The following STARD8 variants were observed in gnomAD, a reference collection of about 807,000 sequenced individuals.
STARD8 encodes StAR related lipid transfer domain containing 8.
Under a neutral mutation model 69.4 loss-of-function variants are expected in STARD8, and 25 were observed. That is an observed-to-expected ratio of 0.36 (90% CI 0.26 to 0.50). STARD8 has a LOEUF of 0.50. Ranked by LOEUF, STARD8 falls within the 20% of genes least tolerant of loss-of-function variation. The pLI, the probability that STARD8 is intolerant of heterozygous loss-of-function variation, is 0.96. For missense variants in STARD8, 921 were observed against 932.5 expected (o/e 0.99, Z 0.16); for synonymous variants, 389 against 374.6 (o/e 1.04, Z -0.45).
At position 68,717,534 on chromosome X, in the gene STARD8, G is replaced by A. The variant is rs370018776; in HGVS notation, c.620G>A (p.Arg207His). The change falls in exon 6 of 15, where the codon CGT (arginine) becomes CAT (histidine). Residue 207 changes from arginine to histidine, a missense_variant. By Grantham distance (29) the Arg-to-His change is conservative (BLOSUM62 0). Transcript: ENST00000374599. Reference sequence around the variant, plus strand: ...AAAGCCAAGAAGCGCCATCGTAACCGTAGCTTCCTCAAGCACCTTGAATCT... The same window carrying A: ...AAAGCCAAGAAGCGCCATCGTAACCATAGCTTCCTCAAGCACCTTGAATCT... ...QDKAKKRHRN[R>H]SFLKHLESLR... 7.4e-6 allele frequency: 9 copies of A among 1,211,133 alleles called. No homozygotes were observed. The highest frequency in any genetic ancestry group is 5.9e-5 in the East Asian group (2 of 33,811).
At chrX:68,714,972 C>T (rs183660038) in intron 3 of STARD8, among the ~76,000 whole-genome samples, 1 of 111,744 alleles carries the variant, frequency 8.9e-6, no homozygotes, top group Non-Finnish European at 1.9e-5. Context: ...CCTGCCTGAG[C>T]AGCCCAGGAT....
chrX:68,672,320 G>T (rs939147454), intron 2 of STARD8, among the ~76,000 whole-genome samples: 3 of 111,804 alleles, frequency 2.7e-5, no homozygotes, highest in African/African-American at 9.7e-5. Flanking sequence ...CAATGTTCTC[G>T]TTGCAGCTGG....
chrX:68,660,762 A>G (rs961928553), intron 1 of STARD8, among the ~76,000 whole-genome samples: 1 of 112,789 alleles, frequency 8.9e-6, no homozygotes, highest in Non-Finnish European at 1.9e-5. Context: ...ACAAGTGGCC[A>G]AAGCCACTGC....
chrX:68,704,714 T>C (rs975504292), intron 2 of STARD8, among the ~76,000 whole-genome samples: 1 of 111,197 alleles, frequency 9.0e-6, no homozygotes, highest in Non-Finnish European at 1.9e-5. Flanking sequence ...GGGTTTGGTT[T>C]GCGTTGCCAC....
chrX:68,692,809 A>T (rs1473954402), intron 2 of STARD8, among the ~76,000 whole-genome samples: 3 of 112,077 alleles, frequency 2.7e-5, no homozygotes, highest in Non-Finnish European at 5.6e-5. Flanking sequence ...GGTAGCTTTA[A>T]GTGAGTCATG....
intron 3 of STARD8, among the ~76,000 whole-genome samples, chrX:68,713,974 TC>T (rs2080072183): frequency 8.9e-6 from 1 of 111,930 alleles, no homozygotes; most frequent in African/African-American, 3.3e-5. Flanking sequence ...ATTTAATTCC[TC>T]CTTGTTCCCA....
chrX:68,661,931 C>CCT (rs1569353647), intron 1 of STARD8, among the ~76,000 whole-genome samples: 10 of 71,297 alleles, frequency 1.4e-4, no homozygotes, highest in African/African-American at 7.0e-4. Context: ...CCTTCCTTCC[C>CCT]TCCCTCCCTC....
chrX:68,684,485 C>T (rs1055492047), intron 2 of STARD8, among the ~76,000 whole-genome samples: 2 of 113,023 alleles, frequency 1.8e-5, no homozygotes, highest in Admixed American at 9.3e-5. Context: ...CCCACACTCC[C>T]GCCCAACCGG....
In STARD8 at chrX:68,717,416, G is replaced by A. The variant is rs149322857; in HGVS notation, c.502G>A (p.Glu168Lys). The change falls in exon 6 of 15, where the codon GAG becomes AAG. Residue 168 changes from glutamate (E) to lysine (K), a missense_variant. By Grantham distance (56) the Glu-to-Lys change is moderately conservative. Coordinates refer to ENST00000374599, the MANE Select transcript of STARD8 (RefSeq NM_001142503.3). ...LPVITVSLPP[E>K]PADLPLPGRA... ...AGTCATCACCGTGAGCCTACCACCC[G>A]AGCCAGCAGACTTGCCCTTGCCAGG... 23 of 1,207,194 alleles carry A rather than the reference G, an allele frequency of 1.9e-5. No individual in the cohort carries two copies. The Admixed American group carries it at 3.7e-4, about 20-fold the overall frequency.
intron 1 of STARD8, among the ~76,000 whole-genome samples, chrX:68,657,543 A>G (rs1051455324): frequency 8.9e-6 from 1 of 112,086 alleles, no homozygotes; most frequent in Non-Finnish European, 1.9e-5. Flanking sequence ...TTAGTCCAGA[A>G]AATTTCAGTA....
At chrX:68,661,854 C>T (rs778365327) in intron 1 of STARD8, among the ~76,000 whole-genome samples, 3 of 108,648 alleles carry the variant, frequency 2.8e-5, no homozygotes, top group South Asian at 4.1e-4. Context: ...TCTGGTCTCC[C>T]TTTGTTTTTC....
At position 68,718,117 on chromosome X, in the gene STARD8, A is replaced by G. The variant is rs768659300; in HGVS notation, c.1203A>G (p.Arg401=). ...ILQHVWGLQQ[R]VELWSRAMYP... ...AGCACGTGTGGGGGCTACAGCAACG[A>G]GTAGAGCTGTGGTCTCGGGCCATGT... The change falls in exon 6 of 15, where the codon CGA becomes CGG. Residue 401 remains arginine (R), a synonymous_variant. Transcript: ENST00000374599. The G allele has an allele frequency of 2.3e-5, 28 of 1,209,920 alleles. No homozygotes were observed. The highest frequency in any genetic ancestry group is 3.1e-5 in the Non-Finnish European group (28 of 895,109).
At position 68,717,945 on chromosome X, in the gene STARD8, C is replaced by T; in HGVS notation, c.1031C>T (p.Ser344Phe). Residue 344 changes from serine (S) to phenylalanine (F), a missense_variant, in exon 6 of 15, where the codon TCC (serine) becomes TTC (phenylalanine). Physicochemically the swap from Ser to Phe is radical, Grantham distance 155. Transcript: ENST00000374599. ...TGGGGCTGTGAGGGGCGCCGGGGCT[C>T]CTGTGGCTCAACGGGCAGCCATGCC... ...RRWGCEGRRG[S>F]CGSTGSHAST... is the part of the protein sequence containing the mutation. 3.3e-6 allele frequency: 4 copies of T among 1,209,677 alleles called. No individual in the cohort carries two copies. Among genetic ancestry groups the T allele is most frequent in the East Asian group, 5.9e-5 (2 of 33,741 alleles).
At position 68,716,585 on chromosome X, in the gene STARD8, A is replaced by G. The variant is rs182425498; in HGVS notation, c.297+154A>G. On this transcript the variant is annotated intron_variant, in intron 5 of 14. Coordinates refer to ENST00000374599, the MANE Select transcript of STARD8 (RefSeq NM_001142503.3). ...CCAGCTAGGGGTAGAGATGGAGGAG[A>G]TCTAGGACCCCATTCTTTCCTGGGA... Among the ~76,000 whole-genome samples, 419 of 111,117 alleles carry G rather than the reference A, an allele frequency of 3.8e-3. 5 individuals are homozygous for G. The highest frequency in any genetic ancestry group is 0.013 in the African/African-American group (390 of 30,611).
chrX:68,668,046 CTCTCTCTTTCT>C (rs1241127536), intron 2 of STARD8, among the ~76,000 whole-genome samples: 1 of 103,041 alleles, frequency 9.7e-6, no homozygotes, highest in Non-Finnish European at 2.0e-5. Context: ...TTCCCTCTTT[CTCTCTCTTTCT>C]TTTCTTTCTT....
At position 68,724,598 on chromosome X, in the gene STARD8, G is replaced by A. The variant is rs2080183933; in HGVS notation, c.*176G>A. 1 of 413,491 alleles carries A rather than the reference G, an allele frequency of 2.4e-6. No homozygotes were observed. Among genetic ancestry groups the A allele is most frequent in the Admixed American group, 4.2e-5 (1 of 23,606 alleles). The allele number at this position is 413,491 out of a possible 1,213,427, so 34.1% of individuals were successfully genotyped here. On this transcript the variant is annotated 3_prime_UTR_variant, in exon 15 of 15. Transcript: ENST00000374599. ...AAAGCTCCTCTGCACATAGAGGGGA[G>A]AAAAAGAGAATTTAGGCAACTCCAC...
rs1162047218 is a variant in STARD8, at chrX:68,722,417, C to T, written c.2575-5C>T. ...CTGCAGCCCATTGTGTGTGTGCCCTCTCAGGTGCCCCAGGACATGGTGCTG... is the reference window on the plus strand; with the variant it reads ...CTGCAGCCCATTGTGTGTGTGCCCTTTCAGGTGCCCCAGGACATGGTGCTG... On this transcript the variant is annotated splice_polypyrimidine_tract_variant and splice_region_variant and intron_variant, in intron 11 of 14. Transcript: ENST00000374599. 9 of 1,188,221 alleles carry T rather than the reference C, an allele frequency of 7.6e-6. No homozygotes were observed. In the Admixed American group the frequency reaches 1.6e-4, roughly 21 times the overall value.
At chrX:68,716,327 G>T in intron 4 of STARD8, 41 bp from the exon 5 acceptor site, 1 of 1,185,918 alleles carries the variant, frequency 8.4e-7, no homozygotes, top group Non-Finnish European at 1.1e-6. Flanking sequence ...CCAGGCTTTG[G>T]GGATGGGGAC....
At chrX:68,713,476 G>T (rs141637972) in intron 3 of STARD8, among the ~76,000 whole-genome samples, 7 of 110,841 alleles carry the variant, frequency 6.3e-5, no homozygotes, top group Non-Finnish European at 1.3e-4. Flanking sequence ...CCTCCACCTC[G>T]CCTGGTCAAC....
Sources: gnomAD v4.1 joint callset for allele counts (sites outside exome capture counted in the v4.1 genomes callset) on GRCh38, gnomAD v4.1.1 for gene constraint, MANE v1.5 for transcripts, NCBI Gene and HGNC (gene_info 2026-07-23, HGNC 2026-07-21) for gene names.